EXT1: variants seen among roughly 807,000 people sequenced by gnomAD.
The protein encoded by EXT1 is exostosin glycosyltransferase 1, also known as exostosin-1.
A neutral mutation model predicts 82.5 loss-of-function variants in EXT1; 20 were observed. The ratio of observed to expected loss-of-function variants is 0.24; its 90% CI spans 0.17 to 0.35. The LOEUF (loss-of-function observed/expected upper bound fraction) is 0.35, where lower values mean the gene tolerates loss of function less well. Ranked by LOEUF, EXT1 falls within the 10% of genes least tolerant of loss-of-function variation. EXT1 has a pLI of 1.00. For synonymous variants in EXT1, 348 were observed against 350.8 expected (o/e 0.99, Z 0.09); for missense variants, 757 against 936.5 (o/e 0.81, Z 2.50).
At chr8:118,103,550 C>T (rs1442860019) in intron 1 of EXT1, among the ~76,000 whole-genome samples, 2 of 152,136 alleles carry the variant, frequency 1.3e-5, no homozygotes, top group Non-Finnish European at 2.9e-5. Flanking sequence ...ACAGAATATT[C>T]CCATAGGCCT....
intron 1 of EXT1, among the ~76,000 whole-genome samples, chr8:118,089,987 A>G (rs1817493427): frequency 6.6e-6 from 1 of 152,240 alleles, no homozygotes; most frequent in African/African-American, 2.4e-5. Context: ...AAACAGCCAC[A>G]ATAAGTACCT....
intron 1 of EXT1, among the ~76,000 whole-genome samples, chr8:118,090,244 A>G (rs1817498187): frequency 6.6e-6 from 1 of 152,150 alleles, no homozygotes; most frequent in African/African-American, 2.4e-5. Context: ...CAACACAGGG[A>G]GATCCCATCT....
intron 1 of EXT1, among the ~76,000 whole-genome samples, chr8:117,856,487 C>T (rs1812562965): frequency 7.0e-6 from 1 of 141,930 alleles, no homozygotes; most frequent in Non-Finnish European, 1.5e-5. Flanking sequence ...AGGATGGTCT[C>T]GATCTCCTGA....
chr8:117,867,259 A>AG (rs199544724), intron 1 of EXT1, among the ~76,000 whole-genome samples: 1 of 145,558 alleles, frequency 6.9e-6, no homozygotes, highest in Non-Finnish European at 1.5e-5. Context: ...ACTCCACCTC[A>AG]GAAAAAAAAA....
At chr8:117,975,099 G>A (rs1047286646) in intron 1 of EXT1, among the ~76,000 whole-genome samples, 2 of 152,170 alleles carry the variant, frequency 1.3e-5, no homozygotes, top group Non-Finnish European at 2.9e-5. Flanking sequence ...TTTTGGAATT[G>A]ATTTCTGAGT....
chr8:117,899,544 C>G (rs1385990562), intron 1 of EXT1, among the ~76,000 whole-genome samples: 1 of 152,190 alleles, frequency 6.6e-6, no homozygotes, highest in East Asian at 1.9e-4. Flanking sequence ...AGGACATCAG[C>G]TTCTCTTAAA....
At chr8:118,029,288 T>A (rs999762166) in intron 1 of EXT1, among the ~76,000 whole-genome samples, 1 of 152,020 alleles carries the variant, frequency 6.6e-6, no homozygotes, top group Non-Finnish European at 1.5e-5. Context: ...TAGCCAGACA[T>A]AGCGGTGTGC....
intron 1 of EXT1, among the ~76,000 whole-genome samples, chr8:117,982,313 G>A (rs1208914464): frequency 6.6e-6 from 1 of 152,106 alleles, no homozygotes; most frequent in Admixed American, 6.6e-5. Context: ...GGACACTTGC[G>A]TCCTTGCCTA....
At chr8:117,803,536 A>G (rs1158624116) in intron 10 of EXT1, among the ~76,000 whole-genome samples, 3 of 152,098 alleles carry the variant, frequency 2.0e-5, no homozygotes, top group Non-Finnish European at 4.4e-5. Context: ...GGCTCTGCTC[A>G]AGATGAATAA....
chr8:117,837,232 G>A, intron 1 of EXT1, 31 bp from the exon 2 acceptor site: 1 of 1,542,918 alleles, frequency 6.5e-7, no homozygotes. Context: ...AACAGCAAAT[G>A]AAGACTCATT....
At chr8:117,830,643 G>GT (rs1421037695) in intron 3 of EXT1, among the ~76,000 whole-genome samples, 2 of 152,164 alleles carry the variant, frequency 1.3e-5, no homozygotes, top group Non-Finnish European at 2.9e-5. Context: ...CACAATTGCT[G>GT]TTTCCAGAAA....
At chr8:118,010,725 C>T (rs1048771204) in intron 1 of EXT1, among the ~76,000 whole-genome samples, 39 of 152,186 alleles carry the variant, frequency 2.6e-4, no homozygotes, top group African/African-American at 9.2e-4. Context: ...GGCAACGGCA[C>T]GGCCGCAAGA....
At chr8:117,871,724 G>T (rs1352955019) in intron 1 of EXT1, among the ~76,000 whole-genome samples, 2 of 152,154 alleles carry the variant, frequency 1.3e-5, no homozygotes, top group Non-Finnish European at 2.9e-5. Context: ...ATGCACTGGT[G>T]AGACAGAGGG....
intron 1 of EXT1, among the ~76,000 whole-genome samples, chr8:117,902,808 A>G (rs1813474486): frequency 6.6e-6 from 1 of 152,236 alleles, no homozygotes; most frequent in Admixed American, 6.5e-5. Context: ...TCTTGATTTA[A>G]CACACATTAT....
chr8:118,031,732 C>T lies in EXT1; in HGVS notation c.962+78353G>A, dbSNP rs184472608. On this transcript the variant is annotated intron_variant, in intron 1 of 10. Coordinates refer to ENST00000378204, the MANE Select transcript of EXT1 (RefSeq NM_000127.3). ...AAACAAGGGCTTATTTTTCATCTCC[C>T]TCCATACCTGCCCCTTAAAGAGATA... Among the ~76,000 whole-genome samples the T allele has an allele frequency of 1.3e-4, 20 of 152,046 alleles. No homozygotes were observed. The East Asian group carries it at 3.9e-3, about 29-fold the overall frequency.
chr8:117,858,708 AGAAAGAAGGAAG>A (rs1375332016), intron 1 of EXT1, among the ~76,000 whole-genome samples: 2 of 121,162 alleles, frequency 1.7e-5, no homozygotes, highest in Admixed American at 1.8e-4. Flanking sequence ...AAGAAAGAAA[AGAAAGAAGGAAG>A]GAAGGAAGGA....
At chr8:118,087,807 T>C (rs894611525) in intron 1 of EXT1, among the ~76,000 whole-genome samples, 4 of 152,084 alleles carry the variant, frequency 2.6e-5, no homozygotes, top group African/African-American at 9.7e-5. Context: ...AAAAACCTGG[T>C]AGAAACAAGC....
In EXT1 at chr8:117,815,934, C is replaced by CAAAA. The variant is rs58788900; in HGVS notation, c.1632+2497_1632+2500dup. On this transcript the variant is annotated intron_variant, in intron 7 of 10. Coordinates refer to ENST00000378204, the MANE Select transcript of EXT1 (RefSeq NM_000127.3). ...AGGCAACAAGAGCGAAACTCTGCCT[C>CAAAA]AAAAAAAAAAAAAAAATTAACAAAC... Among the ~76,000 whole-genome samples the CAAAA allele has an allele frequency of 6.8e-3, 794 of 116,330 alleles. 5 individuals are homozygous for CAAAA. The highest frequency in any genetic ancestry group is 9.0e-3 in the Non-Finnish European group (520 of 57,526). 76.3% of individuals were successfully genotyped at this position (116,330 alleles called of 152,430 possible). A position where few individuals can be genotyped will look rare whatever the true frequency, so the allele number is the denominator to read the frequency against.
chr8:117,854,910 A>G (rs1587012320), intron 1 of EXT1, among the ~76,000 whole-genome samples: 1 of 152,230 alleles, frequency 6.6e-6, no homozygotes, highest in African/African-American at 2.4e-5. Flanking sequence ...TTTTGATGCC[A>G]TATGGAGAAA....
Sources: gnomAD v4.1 joint callset for allele counts (sites outside exome capture counted in the v4.1 genomes callset) on GRCh38, gnomAD v4.1.1 for gene constraint, MANE v1.5 for transcripts, NCBI Gene and HGNC (gene_info 2026-07-23, HGNC 2026-07-21) for gene names.